Variants in CACNA2D1 observed in about 807,000 individuals in gnomAD.
CACNA2D1 encodes the protein voltage-dependent calcium channel subunit alpha-2/delta-1.
A neutral mutation model predicts 171.5 loss-of-function variants in CACNA2D1; 53 were observed. The observed-to-expected ratio is 0.31, with a 90% CI of 0.25 to 0.39. The LOEUF (loss-of-function observed/expected upper bound fraction) is 0.39. Among genes scored for constraint, CACNA2D1 ranks in the 10% least tolerant of loss-of-function variants. CACNA2D1 has a pLI of 1.00. For synonymous variants in CACNA2D1, 442 were observed against 443.1 expected (o/e 1.00, Z 0.03); for missense variants, 903 against 1,299.8 (o/e 0.69, Z 4.69).
intron 6 of CACNA2D1, among the ~76,000 whole-genome samples, chr7:82,105,398 CTTT>C (rs572031121): frequency 0.032 from 3,183 of 99,480 alleles, 41 homozygotes; most frequent in South Asian, 0.065. Flanking sequence ...CAGTTTTTGT[CTTT>C]TTTTTTTTTT....
intron 3 of CACNA2D1, among the ~76,000 whole-genome samples, chr7:82,276,401 G>C (rs1226484599): frequency 1.3e-5 from 2 of 152,276 alleles, no homozygotes; most frequent in Middle Eastern, 3.4e-3. Flanking sequence ...TAATGACGTA[G>C]AGAAGCAAGG....
chr7:82,044,101 T>C (rs1804264623), intron 10 of CACNA2D1, among the ~76,000 whole-genome samples: 1 of 152,164 alleles, frequency 6.6e-6, no homozygotes, highest in Non-Finnish European at 1.5e-5. Flanking sequence ...CCCAGACTGG[T>C]TTCGAATTCC....
chr7:81,982,843 C>A, intron 23 of CACNA2D1: 1 of 613,436 alleles, frequency 1.6e-6, no homozygotes, highest in African/African-American at 1.9e-5. Flanking sequence ...AACATGGATC[C>A]CCACAGTTAT....
At chr7:82,035,591 T>G (rs1024184770) in intron 11 of CACNA2D1, among the ~76,000 whole-genome samples, 3 of 152,096 alleles carry the variant, frequency 2.0e-5, no homozygotes, top group Admixed American at 1.3e-4. Flanking sequence ...TATCAGCAAC[T>G]AGTAATAAAT....
intron 7 of CACNA2D1, among the ~76,000 whole-genome samples, chr7:82,076,466 T>C (rs3801762): frequency 0.37 from 56,349 of 151,950 alleles, 10,996 homozygotes; most frequent in Non-Finnish European, 0.43. Flanking sequence ...TTCTCATCCA[T>C]TCAACTTAAA....
chr7:82,346,936 G>C lies in CACNA2D1; in HGVS notation c.177+2632C>G, dbSNP rs558178184. On this transcript the variant is annotated intron_variant, in intron 2 of 38. Coordinates refer to ENST00000356860, the MANE Select transcript of CACNA2D1 (RefSeq NM_000722.4). The stretch of plus-strand genomic sequence containing the variant: ...TTTCAGAGTTGCATCCAATTTAATA[G>C]TTGTGTAACTTAGAACAAAATTTTA... 4.0e-4 allele frequency among the ~76,000 whole-genome samples: 61 copies of C among 152,278 alleles called. 1 individual carries two copies. Among genetic ancestry groups the C allele is most frequent in the Non-Finnish European group, 5.7e-4 (39 of 68,012 alleles).
intron 1 of CACNA2D1, among the ~76,000 whole-genome samples, chr7:82,369,742 C>A (rs568728667): frequency 1.8e-4 from 28 of 151,804 alleles, no homozygotes; most frequent in Non-Finnish European, 3.1e-4. Context: ...CTTAGAATAG[C>A]CCAGTTCCTC....
intron 21 of CACNA2D1, among the ~76,000 whole-genome samples, chr7:81,986,807 T>G (rs1305011276): frequency 6.6e-6 from 1 of 152,170 alleles, no homozygotes; most frequent in African/African-American, 2.4e-5. Flanking sequence ...AAATAAGCAG[T>G]GCAATCACTC....
In CACNA2D1 at chr7:82,111,394, G is replaced by GTA. The variant is rs1169376282; in HGVS notation, c.526+5648_526+5649dup. On this transcript the variant is annotated intron_variant, in intron 6 of 38. Coordinates refer to ENST00000356860, the MANE Select transcript of CACNA2D1 (RefSeq NM_000722.4). ...TATATATTCATATATGTGTATATAT[G>GTA]TATATATATATTCATATATGTGTAT... Among the ~76,000 whole-genome samples the GTA allele has an allele frequency of 1.0e-4, 11 of 107,758 alleles. No individual in the cohort carries two copies. The South Asian group carries it at 1.2e-3, about 11-fold the overall frequency. The allele number at this position is 107,758 out of a possible 152,430, so 70.7% of individuals were successfully genotyped here.
chr7:82,140,954 T>TTAAAAAAAAAAAAAAAAAAA (rs1368347851), intron 4 of CACNA2D1, among the ~76,000 whole-genome samples: 1 of 91,816 alleles, frequency 1.1e-5, no homozygotes, highest in African/African-American at 5.1e-5. Flanking sequence ...GACTCGTCTC[T>TTAAAAAAAAAAAAAAAAAAA]AAAAAAAAAA....
intron 6 of CACNA2D1, among the ~76,000 whole-genome samples, chr7:82,098,448 AATC>A (rs1370898990): frequency 6.6e-6 from 1 of 152,176 alleles, no homozygotes; most frequent in African/African-American, 2.4e-5. Flanking sequence ...CCTTTTTCAA[AATC>A]ATTATTGATG....
intron 32 of CACNA2D1, among the ~76,000 whole-genome samples, chr7:81,964,813 G>A (rs1467334459): frequency 1.3e-5 from 2 of 151,748 alleles, no homozygotes; most frequent in Non-Finnish European, 2.9e-5. Context: ...TTACCATACC[G>A]CAAAAAAGGT....
intron 12 of CACNA2D1, among the ~76,000 whole-genome samples, chr7:82,027,256 A>T (rs1350409347): frequency 1.3e-5 from 2 of 151,718 alleles, no homozygotes; most frequent in African/African-American, 4.8e-5. Flanking sequence ...ATTTTCCATG[A>T]TGTAATGTGA....
At chr7:82,195,994 T>A (rs1227777156) in intron 3 of CACNA2D1, among the ~76,000 whole-genome samples, 1 of 152,048 alleles carries the variant, frequency 6.6e-6, no homozygotes. Context: ...ATGTAGTCAC[T>A]GAGCAATTGT....
At chr7:82,141,940 T>C (rs938556674) in intron 4 of CACNA2D1, among the ~76,000 whole-genome samples, 1 of 152,206 alleles carries the variant, frequency 6.6e-6, no homozygotes, top group African/African-American at 2.4e-5. Flanking sequence ...CTAATTACCA[T>C]GGGAACAAAT....
At chr7:82,124,866 A>G (rs1466866725) in intron 5 of CACNA2D1, among the ~76,000 whole-genome samples, 1 of 152,180 alleles carries the variant, frequency 6.6e-6, no homozygotes, top group East Asian at 1.9e-4. Flanking sequence ...GTGTAAAATA[A>G]AAGTTACATA....
intron 1 of CACNA2D1, among the ~76,000 whole-genome samples, chr7:82,429,813 AT>A (rs11365541): frequency 0.081 from 12,394 of 152,148 alleles, 1,768 homozygotes; most frequent in African/African-American, 0.28. Context: ...TCACAATAAA[AT>A]TTTGCCTCAT....
At chr7:82,230,444 A>G (rs1214914863) in intron 3 of CACNA2D1, among the ~76,000 whole-genome samples, 1 of 152,204 alleles carries the variant, frequency 6.6e-6, no homozygotes, top group African/African-American at 2.4e-5. Flanking sequence ...TGCAGTGAAC[A>G]TTCTAGTACA....
intron 10 of CACNA2D1, among the ~76,000 whole-genome samples, chr7:82,054,696 C>G (rs544619919): frequency 6.6e-6 from 1 of 152,226 alleles, no homozygotes; most frequent in South Asian, 2.1e-4. Flanking sequence ...GAATGGGATT[C>G]CAGAACTGAA....
Sources: gnomAD v4.1 joint callset for allele counts (sites outside exome capture counted in the v4.1 genomes callset) on GRCh38, gnomAD v4.1.1 for gene constraint, MANE v1.5 for transcripts, NCBI Gene and HGNC (gene_info 2026-07-23, HGNC 2026-07-21) for gene names.